The following OR7A10 variants were observed in gnomAD, a reference collection of about 807,000 sequenced individuals.
The protein encoded by OR7A10 is olfactory receptor family 7 subfamily A member 10.
For synonymous variants in OR7A10, 144 were observed against 144.5 expected, an observed-to-expected ratio of 1.00 and a Z score of 0.02; for missense variants, 358 against 370.1, an observed-to-expected ratio of 0.97 and a Z score of 0.27.
chr19:14,844,087 C>A (rs1209118604), intron 1 of OR7A10, among the ~76,000 whole-genome samples: 2 of 152,122 alleles, frequency 1.3e-5, no homozygotes, highest in African/African-American at 2.4e-5. Flanking sequence ...ATTTAAAAAA[C>A]CCCTCCAGAA....
At chr19:14,845,688 A>C (rs946955904) in intron 1 of OR7A10, among the ~76,000 whole-genome samples, 2 of 152,200 alleles carry the variant, frequency 1.3e-5, no homozygotes, top group Non-Finnish European at 2.9e-5. Context: ...ACCTGGATAC[A>C]GCTATAAATA....
intron 1 of OR7A10, among the ~76,000 whole-genome samples, chr19:14,845,820 C>T (rs1272284275): frequency 6.6e-6 from 1 of 152,146 alleles, no homozygotes; most frequent in Non-Finnish European, 1.5e-5. Context: ...AGGGTGAAAG[C>T]CAAATATGTC....
chr19:14,846,075 A>G (rs540027545), intron 1 of OR7A10, among the ~76,000 whole-genome samples: 63 of 152,210 alleles, frequency 4.1e-4, no homozygotes, highest in Non-Finnish European at 8.5e-4. Context: ...AATCGCTTCA[A>G]CCCGGGAGGC....
rs2044905417 is a variant in OR7A10, at chr19:14,840,712, T to C, written c.*236A>G. ...GATGTACCCCAACGAAAACAAATAT[T>C]CCATAGTTATTTCATGTATGATTGA... On this transcript the variant is annotated 3_prime_UTR_variant, in exon 2 of 2. Transcript: ENST00000641129. The C allele has an allele frequency of 4.1e-5, 16 of 386,588 alleles. No homozygotes were observed. The East Asian group carries it at 7.1e-4, about 17-fold the overall frequency. The allele number at this position is 386,588 out of a possible 1,614,324, so 23.9% of individuals were successfully genotyped here.
chr19:14,847,436 T>C (rs971398938), intron 1 of OR7A10, among the ~76,000 whole-genome samples: 6 of 152,210 alleles, frequency 3.9e-5, no homozygotes, highest in African/African-American at 1.4e-4. Context: ...TGCCAGGTAG[T>C]AGTTGGAAAA....
intron 1 of OR7A10, among the ~76,000 whole-genome samples, chr19:14,842,233 A>G (rs2044918595): frequency 6.6e-6 from 1 of 152,124 alleles, no homozygotes; most frequent in Admixed American, 6.6e-5. Flanking sequence ...TCCACCCTCA[A>G]ATAGGTCCCA....
chr19:14,841,288 A>G lies in OR7A10; in HGVS notation c.590T>C (p.Ile197Thr), dbSNP rs758862167. Reference protein sequence around the residue: ...LACSDTFLNDIVMYFAVALLG... With the variant: ...LACSDTFLNDTVMYFAVALLG... ...CAGCGCTACTGCAAAATACATCACT[A>G]TGTCATTAAGAAAGGTGTCAGAACA... Residue 197 changes from isoleucine (I) to threonine (T), a missense_variant, in exon 2 of 2, where the codon ATA becomes ACA. Physicochemically the swap from Ile to Thr is moderately conservative, Grantham distance 89. Coordinates refer to ENST00000641129, the MANE Select transcript of OR7A10 (RefSeq NM_001005190.2). The G allele has an allele frequency of 1.2e-6, 2 of 1,614,186 alleles. No individual in the cohort carries two copies. The highest frequency in any genetic ancestry group is 4.5e-5 in the East Asian group (2 of 44,884).
chr19:14,841,605 G>T lies in OR7A10; in HGVS notation c.273C>A (p.Val91=). 4 of 1,614,196 alleles carry T rather than the reference G, an allele frequency of 2.5e-6. No individual in the cohort carries two copies. The highest frequency in any genetic ancestry group is 3.4e-6 in the Non-Finnish European group (4 of 1,180,032). ...GGGTGATGCAGCCTGCATAGGTGAT[G>T]ACTTTGTTGTGTGTCTGGATGTTCA... The part of the protein sequence containing the change: ...MLVNIQTHNK[V]ITYAGCITQM... The change falls in exon 2 of 2, where the codon GTC becomes GTA. Residue 91 remains valine (V), a synonymous_variant. Coordinates refer to ENST00000641129, the MANE Select transcript of OR7A10 (RefSeq NM_001005190.2).
At position 14,843,027 on chromosome 19, in the gene OR7A10, C is replaced by T. The variant is rs139080547; in HGVS notation, c.-12-1138G>A. Among the ~76,000 whole-genome samples, 384 of 152,222 alleles carry T rather than the reference C, an allele frequency of 2.5e-3. 1 individual carries two copies. The highest frequency in any genetic ancestry group is 9.8e-3 in the South Asian group (47 of 4,816). On this transcript the variant is annotated intron_variant, in intron 1 of 1. Transcript: ENST00000641129. ...CCCATTAAAATGTGGGCAAAGGACA[C>T]GAGCAGACACTTCAGGAAAAGACAT...
chr19:14,843,844 T>C (rs1018173550), intron 1 of OR7A10, among the ~76,000 whole-genome samples: 3 of 152,130 alleles, frequency 2.0e-5, no homozygotes, highest in Non-Finnish European at 2.9e-5. Context: ...TTCTCACTTA[T>C]AAGTGGGAGT....
intron 1 of OR7A10, among the ~76,000 whole-genome samples, chr19:14,845,469 C>T (rs2044938205): frequency 6.7e-6 from 1 of 149,066 alleles, no homozygotes; most frequent in Admixed American, 6.6e-5. Flanking sequence ...AGCAAGACTC[C>T]ATCTCAAAAA....
Position 14,841,035 on chromosome 19 carries a change from GACCACAGTGTAC to G in OR7A10, c.831_842del (p.Met277_Val281delinsIle). On this transcript the variant is annotated inframe_deletion, in exon 2 of 2. Coordinates refer to ENST00000641129, the MANE Select transcript of OR7A10 (RefSeq NM_001005190.2). ...AGATGAAGGGGTTCAGCATGGGGGT[GACCACAGTGTAC>G]ATCACTGAGGCTGCAGCACCTGTGT... 1.2e-6 allele frequency: 2 copies of G among 1,614,078 alleles called. No homozygotes were observed. Among genetic ancestry groups the G allele is most frequent in the South Asian group, 2.2e-5 (2 of 91,076 alleles).
At chr19:14,843,246 T>A (rs760229874) in intron 1 of OR7A10, among the ~76,000 whole-genome samples, 6 of 152,194 alleles carry the variant, frequency 3.9e-5, no homozygotes, top group African/African-American at 7.2e-5. Flanking sequence ...ATGTAATTAG[T>A]TCAGCCCCTG....
intron 1 of OR7A10, among the ~76,000 whole-genome samples, chr19:14,842,487 G>A (rs2044920656): frequency 6.6e-6 from 1 of 152,168 alleles, no homozygotes; most frequent in Non-Finnish European, 1.5e-5. Flanking sequence ...CTGACCTCAG[G>A]TGATCCGCCT....
chr19:14,842,438 A>G (rs553646036), intron 1 of OR7A10, among the ~76,000 whole-genome samples: 1 of 152,286 alleles, frequency 6.6e-6, no homozygotes, highest in African/African-American at 2.4e-5. Context: ...TTTAGTAGAG[A>G]CAGAGTTTTG....
At position 14,841,239 on chromosome 19, in the gene OR7A10, C is replaced by G. The variant is rs779436836; in HGVS notation, c.639G>C (p.Gly213=). 2 of 1,614,100 alleles carry G rather than the reference C, an allele frequency of 1.2e-6. No homozygotes were observed. The change falls in exon 2 of 2, where the codon GGG becomes GGC. Residue 213 remains glycine (G), a synonymous_variant. Transcript: ENST00000641129. ...CTATCTTAGAGTAAGAGTACAGGAT[C>G]CCAGTGAGGGGACCACCGCCCAGCA... is the stretch of plus-strand genomic sequence containing the variant. ...VALLGGGPLT[G]ILYSYSKIVS...
intron 1 of OR7A10, among the ~76,000 whole-genome samples, chr19:14,842,180 C>T (rs546430385): frequency 2.0e-5 from 3 of 152,280 alleles, no homozygotes; most frequent in African/African-American, 7.2e-5. Flanking sequence ...CAGTAATAAC[C>T]ATAGTACGTA....
intron 1 of OR7A10, among the ~76,000 whole-genome samples, chr19:14,846,469 G>T (rs1015828987): frequency 6.6e-6 from 1 of 152,080 alleles, no homozygotes; most frequent in South Asian, 2.1e-4. Context: ...ACATAAAATA[G>T]TAATAATTTA....
intron 1 of OR7A10, among the ~76,000 whole-genome samples, chr19:14,845,979 C>A (rs1237415655): frequency 6.6e-6 from 1 of 152,086 alleles, no homozygotes; most frequent in African/African-American, 2.4e-5. Flanking sequence ...ACGGTGAAAC[C>A]CCATCTCTAC....
Sources: gnomAD v4.1 joint callset for allele counts (sites outside exome capture counted in the v4.1 genomes callset) on GRCh38, gnomAD v4.1.1 for gene constraint, MANE v1.5 for transcripts, NCBI Gene and HGNC (gene_info 2026-07-23, HGNC 2026-07-21) for gene names.